Variants in CFAP299 observed in about 807,000 individuals in gnomAD.
The protein encoded by CFAP299 is cilia- and flagella-associated protein 299.
A neutral mutation model predicts 27.0 loss-of-function variants in CFAP299; 21 were observed. The observed-to-expected ratio is 0.78, with a 90% CI of 0.55 to 1.12. The LOEUF is 1.12. Among genes scored for constraint, CFAP299 ranks in the 50% most tolerant of loss-of-function variants. The pLI is 0.00. For missense variants in CFAP299, 310 were observed against 276.6 expected (o/e 1.12, Z -0.86); for synonymous variants, 104 against 98.1 (o/e 1.06, Z -0.36).
At chr4:80,860,330 T>A (rs1201574253) in intron 3 of CFAP299, among the ~76,000 whole-genome samples, 1 of 152,188 alleles carries the variant, frequency 6.6e-6, no homozygotes, top group Non-Finnish European at 1.5e-5. Context: ...TTTTCAAAGT[T>A]TTTAACTTCT....
chr4:80,410,152 AG>A (rs1161176093), intron 2 of CFAP299, among the ~76,000 whole-genome samples: 2 of 152,246 alleles, frequency 1.3e-5, no homozygotes, highest in Admixed American at 6.5e-5. Context: ...TTACTTCCAC[AG>A]GAGACCAAAT....
intron 2 of CFAP299, among the ~76,000 whole-genome samples, chr4:80,420,767 T>C (rs1727253536): frequency 6.6e-6 from 1 of 152,220 alleles, no homozygotes; most frequent in Non-Finnish European, 1.5e-5. Flanking sequence ...TTGATTCTTA[T>C]ATCTTGTTCT....
rs373801427 is a variant in CFAP299 at position 80,943,906 on chromosome 4, A to T, written c.477-904A>T. Among the ~76,000 whole-genome samples, 7 of 151,934 alleles carry T rather than the reference A, an allele frequency of 4.6e-5. No individual in the cohort carries two copies. In the East Asian group the frequency reaches 5.8e-4, roughly 13 times the overall value. ...ACATGGTGAAACCCATCTCTGCTAA[A>T]AATACAAAAATTAGCTGAGCGTGGT... On this transcript the variant is annotated intron_variant, in intron 4 of 5. Transcript: ENST00000358105.
At chr4:80,777,329 C>A (rs964057814) in intron 3 of CFAP299, among the ~76,000 whole-genome samples, 5 of 152,042 alleles carry the variant, frequency 3.3e-5, no homozygotes, top group African/African-American at 9.7e-5. Flanking sequence ...CCCCTGCATC[C>A]CACACCTCCT....
chr4:80,859,258 G>A (rs531008840), intron 3 of CFAP299, among the ~76,000 whole-genome samples: 5 of 152,004 alleles, frequency 3.3e-5, no homozygotes, highest in African/African-American at 1.2e-4. Flanking sequence ...TTTTCCATTT[G>A]CTTGGTAGAT....
chr4:80,876,156 T>C (rs1232113424), intron 4 of CFAP299, among the ~76,000 whole-genome samples: 1 of 148,514 alleles, frequency 6.7e-6, no homozygotes, highest in African/African-American at 2.4e-5. Context: ...ATTACATTTA[T>C]AAATATTATA....
At chr4:80,802,198 G>C (rs1005510618) in intron 3 of CFAP299, among the ~76,000 whole-genome samples, 6 of 152,002 alleles carry the variant, frequency 3.9e-5, no homozygotes, top group African/African-American at 1.4e-4. Flanking sequence ...TATTTGCAGG[G>C]ATTGCAAGGA....
At chr4:80,488,698 G>A (rs59951413) in intron 2 of CFAP299, among the ~76,000 whole-genome samples, 12 of 152,190 alleles carry the variant, frequency 7.9e-5, no homozygotes, top group African/African-American at 2.6e-4. Flanking sequence ...GGATGGTCTC[G>A]ATCTCCTGAC....
rs148846454 is a variant in CFAP299, at chr4:80,526,219, T to C, written c.243-56874T>C. Among the ~76,000 whole-genome samples the C allele has an allele frequency of 1.1e-3, 169 of 152,296 alleles. 1 individual carries two copies. Among genetic ancestry groups the C allele is most frequent in the African/African-American group, 3.9e-3 (164 of 41,568 alleles). On this transcript the variant is annotated intron_variant, in intron 2 of 5. Transcript: ENST00000358105. ...AATACTCAGAAAACTTGAGGTGAGATGGATCTCCATTTTGATTAAGAAGTA... is the reference window on the plus strand; with the variant it reads ...AATACTCAGAAAACTTGAGGTGAGACGGATCTCCATTTTGATTAAGAAGTA...
intron 3 of CFAP299, among the ~76,000 whole-genome samples, chr4:80,818,258 A>T (rs78688750): frequency 0.018 from 2,778 of 152,150 alleles, 62 homozygotes; most frequent in East Asian, 0.06. Flanking sequence ...TAGCTGATGG[A>T]CGTTTAGGTT....
At chr4:80,454,916 T>C (rs926047339) in intron 2 of CFAP299, among the ~76,000 whole-genome samples, 1 of 152,112 alleles carries the variant, frequency 6.6e-6, no homozygotes, top group Non-Finnish European at 1.5e-5. Context: ...GATGAAATCA[T>C]AGGGAGTTGA....
intron 2 of CFAP299, among the ~76,000 whole-genome samples, chr4:80,565,260 A>G (rs2110226873): frequency 6.6e-6 from 1 of 152,182 alleles, no homozygotes; most frequent in African/African-American, 2.4e-5. Flanking sequence ...CTGAGTGACT[A>G]ACCTATTGTA....
chr4:80,814,566 C>T (rs1729325849), intron 3 of CFAP299, among the ~76,000 whole-genome samples: 1 of 151,870 alleles, frequency 6.6e-6, no homozygotes, highest in African/African-American at 2.4e-5. Flanking sequence ...TTTTCTAAGA[C>T]TCCGTAATTT....
chr4:80,754,250 C>G (rs1003576650), intron 3 of CFAP299, among the ~76,000 whole-genome samples: 45 of 152,122 alleles, frequency 3.0e-4, no homozygotes, highest in African/African-American at 9.6e-4. Context: ...GGTAGGAGCT[C>G]ATTTCCTAAA....
chr4:80,482,381 C>T (rs1258813809), intron 2 of CFAP299, among the ~76,000 whole-genome samples: 1 of 151,890 alleles, frequency 6.6e-6, no homozygotes, highest in Non-Finnish European at 1.5e-5. Flanking sequence ...ATTAAAATAC[C>T]ATTCAACATT....
chr4:80,944,745 TA>T (rs1484978367), intron 4 of CFAP299, 64 bp from the exon 5 acceptor site: 1 of 1,239,000 alleles, frequency 8.1e-7, no homozygotes, highest in Non-Finnish European at 1.1e-6. Flanking sequence ...AAATAGTTCT[TA>T]AACTATATTT....
chr4:80,567,634 T>G (rs2110229871), intron 2 of CFAP299, among the ~76,000 whole-genome samples: 1 of 152,086 alleles, frequency 6.6e-6, no homozygotes, highest in African/African-American at 2.4e-5. Context: ...GCGGATTGTC[T>G]GTTGAATTGA....
At chr4:80,389,382 G>T (rs1029092327) in intron 2 of CFAP299, among the ~76,000 whole-genome samples, 2 of 152,040 alleles carry the variant, frequency 1.3e-5, no homozygotes, top group African/African-American at 4.8e-5. Flanking sequence ...AGAGTCTAAG[G>T]ATTTATTAAA....
At chr4:80,485,643 GA>G (rs1730778737) in intron 2 of CFAP299, among the ~76,000 whole-genome samples, 1 of 152,024 alleles carries the variant, frequency 6.6e-6, no homozygotes, top group Non-Finnish European at 1.5e-5. Flanking sequence ...ATGTTTAAAG[GA>G]AAAATGGCAT....
Sources: gnomAD v4.1 joint callset for allele counts (sites outside exome capture counted in the v4.1 genomes callset) on GRCh38, gnomAD v4.1.1 for gene constraint, MANE v1.5 for transcripts, NCBI Gene and HGNC (gene_info 2026-07-23, HGNC 2026-07-21) for gene names.